The following ADGRB3 variants were observed in gnomAD, a reference collection of about 807,000 sequenced individuals.
The protein encoded by ADGRB3 is adhesion G protein-coupled receptor B3.
In ADGRB3, 37 loss-of-function variants were observed where a neutral mutation model predicts 193.4. The observed-to-expected ratio is 0.19, with a 90% CI of 0.15 to 0.25. ADGRB3 has a LOEUF of 0.25. Among genes scored for constraint, ADGRB3 ranks in the 10% least tolerant of loss-of-function variants. The probability of loss-of-function intolerance (pLI) is 1.00; values close to 1 mark genes in which losing one functional copy is unlikely to be tolerated. For synonymous variants in ADGRB3, 690 were observed against 644.2 expected (o/e 1.07, Z -1.08); for missense variants, 1,637 against 1,852.9 (o/e 0.88, Z 2.14).
At chr6:68,987,829 T>A (rs1394927018) in intron 10 of ADGRB3, among the ~76,000 whole-genome samples, 1 of 152,130 alleles carries the variant, frequency 6.6e-6, no homozygotes, top group African/African-American at 2.4e-5. Context: ...TGCGATATAA[T>A]CAGAATGATA....
Position 69,125,339 on chromosome 6 carries a change from C to A in ADGRB3, c.2480+49301C>A, listed in dbSNP as rs566078858. Among the ~76,000 whole-genome samples, 20 of 152,278 alleles carry A rather than the reference C, an allele frequency of 1.3e-4. No individual in the cohort carries two copies. In the East Asian group the frequency reaches 3.1e-3, roughly 23 times the overall value. Reference sequence around the variant, plus strand: ...GGCTTTAACTCAATTGCTTTGTGTACAACTGCTATAGTCGGAATGTTTTTG... The same window carrying A: ...GGCTTTAACTCAATTGCTTTGTGTAAAACTGCTATAGTCGGAATGTTTTTG... On this transcript the variant is annotated intron_variant, in intron 17 of 31. Transcript: ENST00000370598.
intron 3 of ADGRB3, among the ~76,000 whole-genome samples, chr6:68,707,857 C>G (rs2127314014): frequency 6.6e-6 from 1 of 152,234 alleles, no homozygotes; most frequent in Admixed American, 6.5e-5. Flanking sequence ...AGCACTAACA[C>G]AAGGAAGGAC....
intron 17 of ADGRB3, among the ~76,000 whole-genome samples, chr6:69,147,730 G>A (rs1774545884): frequency 6.6e-6 from 1 of 152,156 alleles, no homozygotes; most frequent in Admixed American, 6.5e-5. Context: ...GTCCAACGGT[G>A]AAAATTGGGT....
chr6:69,229,124 A>G (rs996115713), intron 17 of ADGRB3, among the ~76,000 whole-genome samples: 2 of 152,150 alleles, frequency 1.3e-5, no homozygotes, highest in Admixed American at 1.3e-4. Flanking sequence ...GATTCATTGT[A>G]TTTTGACATA....
intron 3 of ADGRB3, among the ~76,000 whole-genome samples, chr6:68,701,884 T>C (rs2127309262): frequency 6.6e-6 from 1 of 152,318 alleles, no homozygotes; most frequent in Middle Eastern, 3.4e-3. Context: ...CTAATTACTC[T>C]TTAAAGATAG....
chr6:69,263,858 A>G (rs1383016942), intron 20 of ADGRB3, among the ~76,000 whole-genome samples: 1 of 152,006 alleles, frequency 6.6e-6, no homozygotes, highest in Admixed American at 6.6e-5. Context: ...TGATCAAAGC[A>G]AATACAGTGA....
chr6:68,952,774 T>A (rs1297288120), intron 6 of ADGRB3, among the ~76,000 whole-genome samples: 1 of 148,662 alleles, frequency 6.7e-6, no homozygotes, highest in African/African-American at 2.4e-5. Flanking sequence ...CATTATTTTC[T>A]CTGTTACTGA....
chr6:69,237,414 C>T (rs1416111820), intron 19 of ADGRB3, among the ~76,000 whole-genome samples: 1 of 151,868 alleles, frequency 6.6e-6, no homozygotes, highest in African/African-American at 2.4e-5. Flanking sequence ...TTCTCTTCAC[C>T]TATAGATAAG....
At chr6:68,790,066 C>T (rs909911103) in intron 3 of ADGRB3, among the ~76,000 whole-genome samples, 46 of 151,934 alleles carry the variant, frequency 3.0e-4, no homozygotes, top group Non-Finnish European at 5.0e-4. Context: ...AATTTTTTTT[C>T]AAAGCTTTTA....
chr6:69,188,645 T>G (rs1428649068), intron 17 of ADGRB3, among the ~76,000 whole-genome samples: 2 of 152,296 alleles, frequency 1.3e-5, no homozygotes, highest in African/African-American at 4.8e-5. Context: ...GTTTCATGAC[T>G]TCTCACAACA....
At chr6:69,069,796 C>G (rs1325848067) in intron 16 of ADGRB3, among the ~76,000 whole-genome samples, 1 of 148,906 alleles carries the variant, frequency 6.7e-6, no homozygotes, top group African/African-American at 2.5e-5. Flanking sequence ...ATGAATTAGT[C>G]TTTTGCAGAT....
At chr6:69,043,198 T>C (rs1399422015) in intron 13 of ADGRB3, among the ~76,000 whole-genome samples, 1 of 136,690 alleles carries the variant, frequency 7.3e-6, no homozygotes, top group Non-Finnish European at 1.6e-5. Flanking sequence ...GCAGATTCTA[T>C]AAGAAAGAAA....
At chr6:69,096,795 G>A (rs577904433) in intron 17 of ADGRB3, among the ~76,000 whole-genome samples, 1 of 152,288 alleles carries the variant, frequency 6.6e-6, no homozygotes, top group South Asian at 2.1e-4. Context: ...ACCTCTTTAA[G>A]TGCTTCATTT....
chr6:69,325,007 T>G lies in ADGRB3; in HGVS notation c.2950T>G (p.Leu984Val). 1 of 1,613,780 alleles carries G rather than the reference T, an allele frequency of 6.2e-7. No individual in the cohort carries two copies. Among genetic ancestry groups the G allele is most frequent in the South Asian group, 1.1e-5 (1 of 91,048 alleles). ...IRTRLIRKRFLCLGWGLPALV... is the reference protein window; with the variant it reads ...IRTRLIRKRFVCLGWGLPALV... The stretch of plus-strand genomic sequence containing the variant: ...GACACGGCTTATAAGAAAACGCTTT[T>G]TGTGCCTTGGATGGGGTAAGCATAT... Residue 984 changes from leucine (L) to valine (V), a missense_variant, in exon 21 of 32, where the codon TTG becomes GTG. By Grantham distance (32) the Leu-to-Val change is conservative (BLOSUM62 1). Around this residue, in one of 7 missense-constraint regions of ADGRB3, gnomAD observed 87 missense variants for 161.0 expected, o/e 0.54. Coordinates refer to ENST00000370598, the MANE Select transcript of ADGRB3 (RefSeq NM_001704.3).
chr6:69,082,184 A>C (rs1772406722), intron 17 of ADGRB3, among the ~76,000 whole-genome samples: 1 of 152,014 alleles, frequency 6.6e-6, no homozygotes, highest in African/African-American at 2.4e-5. Context: ...CTTTTATAGA[A>C]AAAAAAATTG....
At chr6:68,873,635 GTAA>G (rs1483590705) in intron 3 of ADGRB3, among the ~76,000 whole-genome samples, 1 of 152,044 alleles carries the variant, frequency 6.6e-6, no homozygotes, top group African/African-American at 2.4e-5. Context: ...ATGATATAAA[GTAA>G]TAATATGTAA....
chr6:69,297,416 A>C (rs772661523), intron 20 of ADGRB3, among the ~76,000 whole-genome samples: 5,605 of 135,038 alleles, frequency 0.042, 308 homozygotes, highest in African/African-American at 0.14. Flanking sequence ...CTCTCTATAT[A>C]TATATATATA....
intron 17 of ADGRB3, among the ~76,000 whole-genome samples, chr6:69,101,346 C>A (rs989305420): frequency 6.6e-6 from 1 of 151,836 alleles, no homozygotes; most frequent in Non-Finnish European, 1.5e-5. Flanking sequence ...TAAAACAGTT[C>A]TATCTCTTTG....
intron 13 of ADGRB3, among the ~76,000 whole-genome samples, chr6:69,037,636 GTGT>G (rs1053699424): frequency 3.0e-4 from 46 of 151,862 alleles, no homozygotes; most frequent in African/African-American, 9.9e-4. Flanking sequence ...AGTTAATGTG[GTGT>G]TGTTGTTCTC....
Sources: allele counts gnomAD v4.1 joint callset (sites outside exome capture counted in the v4.1 genomes callset), GRCh38; gene constraint gnomAD v4.1.1; regional missense constraint gnomAD v4.1.1; transcripts MANE v1.5; gene names NCBI Gene and HGNC (gene_info 2026-07-23, HGNC 2026-07-21).